The following UMAD1 variants were observed in gnomAD, a reference collection of about 807,000 sequenced individuals.
UMAD1 encodes UBAP1-MVB12-associated (UMA) domain containing 1, also known as UBAP1-MVB12-associated (UMA)-domain containing protein 1.
Under a neutral mutation model 6.1 loss-of-function variants are expected in UMAD1, and 8 were observed. The observed-to-expected ratio is 1.30, with a 90% CI of 0.76 to 2.35. UMAD1 has a LOEUF of 2.35. Ranked by LOEUF, UMAD1 falls within the 30% of genes most tolerant of loss-of-function variation. The probability of loss-of-function intolerance (pLI) is 0.00; values close to 1 mark genes in which losing one functional copy is unlikely to be tolerated. For synonymous variants in UMAD1, 56 were observed against 31.4 expected, an observed-to-expected ratio of 1.78 and a Z score of -2.61; for missense variants, 130 against 78.4, an observed-to-expected ratio of 1.66 and a Z score of -2.49.
intron 3 of UMAD1, among the ~76,000 whole-genome samples, chr7:7,837,978 A>C (rs779294930): frequency 3.3e-5 from 5 of 152,186 alleles, no homozygotes; most frequent in Non-Finnish European, 7.4e-5. Flanking sequence ...TCATTTCACC[A>C]GGAAAATATG....
At chr7:7,694,762 C>T (rs969946891) in intron 2 of UMAD1, among the ~76,000 whole-genome samples, 1 of 152,024 alleles carries the variant, frequency 6.6e-6, no homozygotes, top group African/African-American at 2.4e-5. Flanking sequence ...GCATACGTAC[C>T]ACGTTTTCTT....
chr7:7,677,614 T>C (rs1428419890), intron 2 of UMAD1, among the ~76,000 whole-genome samples: 1 of 152,052 alleles, frequency 6.6e-6, no homozygotes, highest in Non-Finnish European at 1.5e-5. Flanking sequence ...TAAATAGTAT[T>C]CCATTGTGTA....
At chr7:7,703,075 C>G (rs931680640) in intron 2 of UMAD1, among the ~76,000 whole-genome samples, 2 of 152,170 alleles carry the variant, frequency 1.3e-5, no homozygotes, top group African/African-American at 4.8e-5. Context: ...TTACTGCCTG[C>G]TTTTTAGAAC....
intron 3 of UMAD1, among the ~76,000 whole-genome samples, chr7:7,823,590 A>G (rs1452612895): frequency 6.6e-6 from 1 of 152,076 alleles, no homozygotes; most frequent in Non-Finnish European, 1.5e-5. Context: ...GGAGATAGGA[A>G]TTGGGAATTG....
intron 3 of UMAD1, among the ~76,000 whole-genome samples, chr7:7,826,859 A>G (rs893028843): frequency 3.9e-5 from 6 of 152,190 alleles, no homozygotes; most frequent in Non-Finnish European, 8.8e-5. Context: ...CCACCAATAC[A>G]CAACTACTAA....
At chr7:7,720,625 G>T (rs1442321911) in intron 2 of UMAD1, among the ~76,000 whole-genome samples, 1 of 152,006 alleles carries the variant, frequency 6.6e-6, no homozygotes, top group South Asian at 2.1e-4. Flanking sequence ...ATTATAAAAA[G>T]ACTTTTTGAG....
At chr7:7,741,488 A>G (rs1291428975) in intron 2 of UMAD1, among the ~76,000 whole-genome samples, 5 of 151,498 alleles carry the variant, frequency 3.3e-5, no homozygotes, top group African/African-American at 9.7e-5. Context: ...GAGGCAGGAG[A>G]ATGGCGTGAA....
intron 2 of UMAD1, among the ~76,000 whole-genome samples, chr7:7,745,937 C>A (rs928620949): frequency 6.6e-6 from 1 of 152,148 alleles, no homozygotes; most frequent in South Asian, 2.1e-4. Flanking sequence ...CTTACCTTCT[C>A]ATGGCTCACT....
At chr7:7,855,127 G>C (rs1376755759) in intron 3 of UMAD1, among the ~76,000 whole-genome samples, 2 of 152,242 alleles carry the variant, frequency 1.3e-5, no homozygotes, top group African/African-American at 2.4e-5. Context: ...GCCCCTCCCA[G>C]CTGCTTTCAA....
intron 3 of UMAD1, among the ~76,000 whole-genome samples, chr7:7,824,377 A>G (rs534884468): frequency 9.2e-5 from 14 of 152,302 alleles, no homozygotes; most frequent in African/African-American, 2.9e-4. Context: ...TACAGCAATA[A>G]CAAATATTTG....
intron 1 of UMAD1, among the ~76,000 whole-genome samples, chr7:7,643,003 C>T (rs988069937): frequency 6.6e-6 from 1 of 152,060 alleles, no homozygotes; most frequent in East Asian, 1.9e-4. Flanking sequence ...GACGAATGTA[C>T]GTAGATCATA....
chr7:7,726,089 T>G (rs1021457933), intron 2 of UMAD1, among the ~76,000 whole-genome samples: 1 of 152,230 alleles, frequency 6.6e-6, no homozygotes, highest in South Asian at 2.1e-4. Flanking sequence ...TTTGGCTGGA[T>G]GGTCAGGGAC....
chr7:7,741,605 T>TAAA (rs938589421), intron 2 of UMAD1, among the ~76,000 whole-genome samples: 8 of 147,366 alleles, frequency 5.4e-5, no homozygotes, highest in African/African-American at 1.5e-4. Context: ...ATAATAATAA[T>TAAA]AATAATAATA....
Position 7,669,133 on chromosome 7 carries a change from G to A in UMAD1, c.-63-4176G>A, listed in dbSNP as rs182642865. Among the ~76,000 whole-genome samples, 699 of 152,126 alleles carry A rather than the reference G, an allele frequency of 4.6e-3. 5 individuals are homozygous for A. The highest frequency in any genetic ancestry group is 0.025 in the South Asian group (122 of 4,812). On this transcript the variant is annotated intron_variant, in intron 1 of 3. Transcript: ENST00000682710. Reference sequence around the variant, plus strand: ...TTAAAATGAAGCAACATTACTTGGGGGAACCTTTTGTATAGGAAAAAACAT... The same window carrying A: ...TTAAAATGAAGCAACATTACTTGGGAGAACCTTTTGTATAGGAAAAAACAT...
At chr7:7,726,493 A>C (rs1268123702) in intron 2 of UMAD1, among the ~76,000 whole-genome samples, 3 of 152,210 alleles carry the variant, frequency 2.0e-5, no homozygotes, top group African/African-American at 7.2e-5. Flanking sequence ...GGCTGACGCA[A>C]AGTTCTCCAG....
chr7:7,663,061 C>A (rs1380011748), intron 1 of UMAD1, among the ~76,000 whole-genome samples: 2 of 151,972 alleles, frequency 1.3e-5, no homozygotes, highest in African/African-American at 2.4e-5. Context: ...CTTATTATAA[C>A]CCAGCACAGG....
chr7:7,844,562 C>A (rs1402414560), intron 3 of UMAD1, among the ~76,000 whole-genome samples: 1 of 152,122 alleles, frequency 6.6e-6, no homozygotes, highest in Non-Finnish European at 1.5e-5. Context: ...ATGTTAAGAT[C>A]AAAATGACAG....
chr7:7,772,870 G>A (rs1253671834), intron 2 of UMAD1, among the ~76,000 whole-genome samples: 2 of 152,184 alleles, frequency 1.3e-5, no homozygotes, highest in African/African-American at 4.8e-5. Context: ...CTGTGTGAAA[G>A]TGGATTAGAT....
intron 1 of UMAD1, among the ~76,000 whole-genome samples, chr7:7,658,658 A>G (rs1166420198): frequency 6.6e-6 from 1 of 152,180 alleles, no homozygotes; most frequent in East Asian, 1.9e-4. Context: ...CCATTGATGA[A>G]GCTGATTTGA....
Sources: gnomAD v4.1 joint callset for allele counts (sites outside exome capture counted in the v4.1 genomes callset) on GRCh38, gnomAD v4.1.1 for gene constraint, MANE v1.5 for transcripts, NCBI Gene and HGNC (gene_info 2026-07-23, HGNC 2026-07-21) for gene names.